Variants in AFF4 observed in about 807,000 individuals in gnomAD.
The protein encoded by AFF4 is ALF transcription elongation factor 4.
AFF4 carries 13 observed loss-of-function variants against 124.8 expected under a neutral mutation model. That is an observed-to-expected ratio of 0.10 (90% CI 0.07 to 0.17). AFF4 has a LOEUF of 0.17. AFF4 is among the 10% of genes least tolerant of loss of function. AFF4 has a pLI of 1.00. For missense variants in AFF4, 1,092 were observed against 1,403.8 expected (o/e 0.78, Z 3.55); for synonymous variants, 477 against 496.1 (o/e 0.96, Z 0.51).
At chr5:132,910,765 T>G (rs1760776960) in intron 5 of AFF4, among the ~76,000 whole-genome samples, 2 of 152,214 alleles carry the variant, frequency 1.3e-5, no homozygotes, top group African/African-American at 4.8e-5. Context: ...AGCTACTTTG[T>G]GCCAGAACTA....
chr5:132,887,477 A>G, intron 17 of AFF4, 44 bp downstream of exon 17: 1 of 1,526,356 alleles, frequency 6.6e-7, no homozygotes, highest in South Asian at 1.1e-5. Context: ...TATTTATTAT[A>G]GAACTTCCTG....
At chr5:132,951,483 T>C (rs1449124181) in intron 1 of AFF4, among the ~76,000 whole-genome samples, 3 of 152,342 alleles carry the variant, frequency 2.0e-5, no homozygotes, top group East Asian at 1.9e-4. Context: ...CTGTAAGCAG[T>C]AGACACTATT....
intron 1 of AFF4, among the ~76,000 whole-genome samples, chr5:132,946,819 T>A (rs1312592063): frequency 9.2e-5 from 14 of 152,224 alleles, no homozygotes; most frequent in Non-Finnish European, 2.1e-4. Context: ...TTAGTACACC[T>A]TAAAAATAAA....
At position 132,885,192 on chromosome 5, in the gene AFF4, A is replaced by C. The variant is rs1321600598; in HGVS notation, c.3100-73T>G. 3.3e-6 allele frequency: 4 copies of C among 1,216,534 alleles called. No individual in the cohort carries two copies. In the East Asian group the frequency reaches 9.9e-5, roughly 30 times the overall value. 75.4% of individuals were successfully genotyped at this position (1,216,534 alleles called of 1,614,324 possible). On this transcript the variant is annotated intron_variant, in intron 18 of 20. Coordinates refer to ENST00000265343, the MANE Select transcript of AFF4 (RefSeq NM_014423.4). ...CTTTAAGAAGTTCTAAATATATTTA[A>C]AAGCTTTGGGCAAGAGCTCATCGTG...
intron 1 of AFF4, among the ~76,000 whole-genome samples, chr5:132,955,456 T>C (rs72799497): frequency 0.12 from 17,499 of 152,092 alleles, 1,269 homozygotes; most frequent in South Asian, 0.2. Flanking sequence ...TAATGCTCAC[T>C]TGCATAGTGT....
rs1759874393 is a variant in AFF4 at position 132,877,701 on chromosome 5, A to T, written c.*3358T>A. On this transcript the variant is annotated 3_prime_UTR_variant, in exon 21 of 21. Coordinates refer to ENST00000265343, the MANE Select transcript of AFF4 (RefSeq NM_014423.4). ...ACTGGCCTCTAGAGCCAGAACTTTC[A>T]TTTATAACAAGTGCCTTTTGTAGGC... 1 of 211,470 alleles carries T rather than the reference A, an allele frequency of 4.7e-6. No homozygotes were observed. The highest frequency in any genetic ancestry group is 9.6e-6 in the Non-Finnish European group (1 of 104,012). 13.1% of individuals were successfully genotyped at this position (211,470 alleles called of 1,614,324 possible).
In AFF4 at chr5:132,892,174, T is replaced by A; in HGVS notation, c.2627A>T (p.Lys876Met). 1 of 1,614,158 alleles carries A rather than the reference T, an allele frequency of 6.2e-7. No homozygotes were observed. The highest frequency in any genetic ancestry group is 1.1e-5 in the South Asian group (1 of 91,086). The change falls in exon 13 of 21, where the codon AAG becomes ATG. Residue 876 changes from lysine to methionine, a missense_variant. Physicochemically the swap from Lys to Met is moderately conservative, Grantham distance 95 (BLOSUM62 -1). This residue lies in a region of AFF4 where 293 missense variants were observed against 280.2 expected (regional missense o/e 1.05). Transcript: ENST00000265343. The stretch of plus-strand genomic sequence containing the variant: ...CCCCCAACACTTTACCTTAACCTCC[T>A]TGGAGCTACTGGAAGTCTTCCCTTC... ...KTEGKTSSSSKEVKEKAPSSS... is the reference protein window; with the variant it reads ...KTEGKTSSSSMEVKEKAPSSS...
chr5:132,941,013 C>T (rs567117267), intron 1 of AFF4, among the ~76,000 whole-genome samples: 1 of 143,924 alleles, frequency 6.9e-6, no homozygotes, highest in African/African-American at 2.6e-5. Flanking sequence ...GGTGACAAAA[C>T]GAAACTACAT....
At chr5:132,939,280 T>C (rs1039309108) in intron 1 of AFF4, among the ~76,000 whole-genome samples, 1 of 151,938 alleles carries the variant, frequency 6.6e-6, no homozygotes. Context: ...TTTGTATGTA[T>C]ACAATTTTCT....
intron 1 of AFF4, 93 bp from the exon 2 acceptor site, chr5:132,937,286 G>T: frequency 7.1e-7 from 1 of 1,401,080 alleles, no homozygotes; most frequent in African/African-American, 1.4e-5. Flanking sequence ...TTCAATCACA[G>T]ATTCCCTTTT....
intron 1 of AFF4, among the ~76,000 whole-genome samples, chr5:132,947,930 C>T (rs1326293571): frequency 2.0e-5 from 3 of 152,130 alleles, no homozygotes; most frequent in Non-Finnish European, 4.4e-5. Context: ...TAGTGAAAAA[C>T]GTGAAAACAA....
Position 132,885,079 on chromosome 5 carries a change from C to T in AFF4, c.3140G>A (p.Gly1047Glu). 1 of 1,596,840 alleles carries T rather than the reference C, an allele frequency of 6.3e-7. No individual in the cohort carries two copies. Among genetic ancestry groups the T allele is most frequent in the Middle Eastern group, 1.7e-4 (1 of 5,966 alleles). Residue 1047 changes from glycine (G) to glutamate (E), a missense_variant, in exon 19 of 21, where the codon GGA becomes GAA. Coordinates refer to ENST00000265343, the MANE Select transcript of AFF4 (RefSeq NM_014423.4). ...NNSQAPSPGL[G>E]SKAVGMPSPV... ...TACATAATAAAATTTTACCTACCTT[C>T]CCAAGCCAGGCGATGGTGCTTGAGA...
intron 7 of AFF4, chr5:132,901,008 T>C: frequency 1.0e-6 from 1 of 985,454 alleles, no homozygotes; most frequent in Non-Finnish European, 1.2e-6. Flanking sequence ...TATTACATAT[T>C]AAACACCACC....
chr5:132,945,473 T>A (rs891818436), intron 1 of AFF4: 2 of 152,234 alleles, frequency 1.3e-5, no homozygotes, highest in African/African-American at 4.8e-5. Context: ...CAAACAACAC[T>A]GGGCATGGTG....
At chr5:132,891,145 C>T (rs1286664728) in intron 13 of AFF4, among the ~76,000 whole-genome samples, 1 of 151,990 alleles carries the variant, frequency 6.6e-6, no homozygotes. Context: ...AGATGGAGAA[C>T]TGGAGCAATA....
rs1759846044 is a variant in AFF4 at position 132,876,664 on chromosome 5, A to C, written c.*4395T>G. 5.0e-6 allele frequency: 1 copy of C among 198,288 alleles called. No individual in the cohort carries two copies. Among genetic ancestry groups the C allele is most frequent in the Non-Finnish European group, 1.0e-5 (1 of 95,882 alleles). 12.3% of individuals were successfully genotyped at this position (198,288 alleles called of 1,614,324 possible). A position where few individuals can be genotyped will look rare whatever the true frequency, so the allele number is the denominator to read the frequency against. On this transcript the variant is annotated 3_prime_UTR_variant, in exon 21 of 21. Coordinates refer to ENST00000265343, the MANE Select transcript of AFF4 (RefSeq NM_014423.4). Reference sequence around the variant, plus strand: ...CTTGAATACCTTATTCTGTGACCAAATTACATGAAAAGAAGATACATAGTT... The same window carrying C: ...CTTGAATACCTTATTCTGTGACCAACTTACATGAAAAGAAGATACATAGTT...
At chr5:132,927,051 A>T in intron 5 of AFF4, 70 bp downstream of exon 5, 2 of 1,332,680 alleles carry the variant, frequency 1.5e-6, no homozygotes, top group African/African-American at 1.5e-5. Context: ...GACAATTTTT[A>T]ATCCATATGA....
chr5:132,918,927 G>A (rs1315911862), intron 5 of AFF4, among the ~76,000 whole-genome samples: 1 of 148,116 alleles, frequency 6.8e-6, no homozygotes, highest in East Asian at 2.0e-4. Context: ...GCTCTGTCAC[G>A]CAGGCTGGAG....
chr5:132,958,465 C>CAA (rs34337170), intron 1 of AFF4, among the ~76,000 whole-genome samples: 3,930 of 54,818 alleles, frequency 0.072, 590 homozygotes, highest in African/African-American at 0.25. Context: ...GACCCTGTCT[C>CAA]AAAAAAAAAA....
Sources: gnomAD v4.1 joint callset for allele counts (sites outside exome capture counted in the v4.1 genomes callset) on GRCh38, gnomAD v4.1.1 for gene constraint, gnomAD v4.1.1 regional missense constraint, MANE v1.5 for transcripts, NCBI Gene and HGNC (gene_info 2026-07-23, HGNC 2026-07-21) for gene names.